The following GRIN2A variants were observed in gnomAD, a reference collection of about 807,000 sequenced individuals.
GRIN2A encodes glutamate receptor ionotropic, NMDA 2A.
In GRIN2A, 22 loss-of-function variants were observed where a neutral mutation model predicts 113.4. That is an observed-to-expected ratio of 0.19 (90% CI 0.14 to 0.28). The LOEUF (loss-of-function observed/expected upper bound fraction) is 0.28. Among genes scored for constraint, GRIN2A ranks in the 10% least tolerant of loss-of-function variants. GRIN2A has a pLI of 1.00. For synonymous variants in GRIN2A, 827 were observed against 738.4 expected (o/e 1.12, Z -1.94); for missense variants, 1,502 against 1,887.0 (o/e 0.80, Z 3.78).
At chr16:10,081,436 G>A (rs763168397) in intron 2 of GRIN2A, among the ~76,000 whole-genome samples, 1 of 152,170 alleles carries the variant, frequency 6.6e-6, no homozygotes, top group Non-Finnish European at 1.5e-5. Context: ...CAATCAAACT[G>A]TCACTTTGTT....
chr16:10,044,100 C>CAGG (rs1730121562), intron 2 of GRIN2A, among the ~76,000 whole-genome samples: 1 of 150,848 alleles, frequency 6.6e-6, no homozygotes, highest in African/African-American at 2.4e-5. Flanking sequence ...GTAGCCCAGG[C>CAGG]AGGAATACGG....
intron 2 of GRIN2A, among the ~76,000 whole-genome samples, chr16:10,163,707 T>C (rs1353690557): frequency 6.6e-6 from 1 of 150,858 alleles, no homozygotes; most frequent in Non-Finnish European, 1.5e-5. Flanking sequence ...TTCTACAAAG[T>C]GAGTGTCTAT....
At position 10,044,022 on chromosome 16, in the gene GRIN2A, TAGAGAG is replaced by T. The variant is rs1555469980; in HGVS notation, c.415-105477_415-105472del. Among the ~76,000 whole-genome samples, 11 of 108,012 alleles carry T rather than the reference TAGAGAG, an allele frequency of 1.0e-4. No individual in the cohort carries two copies. In the South Asian group the frequency reaches 1.2e-3, roughly 12 times the overall value. The allele number at this position is 108,012 out of a possible 152,430, so 70.9% of individuals were successfully genotyped here. ...GTGTGTGTGTGTATATATATATATA[TAGAGAG>T]AGAGAGAGAGAGAGAGAGACAGAGA... On this transcript the variant is annotated intron_variant, in intron 2 of 12. Transcript: ENST00000330684.
At chr16:9,953,443 A>G (rs1204002639) in intron 2 of GRIN2A, among the ~76,000 whole-genome samples, 2 of 152,210 alleles carry the variant, frequency 1.3e-5, no homozygotes, top group African/African-American at 4.8e-5. Context: ...GTAGGGGGAC[A>G]GAGAAATGCA....
intron 2 of GRIN2A, among the ~76,000 whole-genome samples, chr16:9,949,666 T>C (rs11642327): frequency 0.03 from 4,476 of 148,208 alleles, 105 homozygotes; most frequent in Non-Finnish European, 0.043. Flanking sequence ...GACAGATGGA[T>C]GGACAGATGG....
At chr16:10,067,669 T>A (rs1168528040) in intron 2 of GRIN2A, among the ~76,000 whole-genome samples, 1 of 151,398 alleles carries the variant, frequency 6.6e-6, no homozygotes. Flanking sequence ...GGGATTGGAG[T>A]AGAAGCAGAT....
intron 2 of GRIN2A, among the ~76,000 whole-genome samples, chr16:10,066,370 C>G (rs1279085666): frequency 6.6e-6 from 1 of 152,152 alleles, no homozygotes; most frequent in Non-Finnish European, 1.5e-5. Flanking sequence ...ACTTATTTAT[C>G]TCTGTCATAA....
At chr16:9,953,563 G>C (rs2045232616) in intron 2 of GRIN2A, among the ~76,000 whole-genome samples, 1 of 152,018 alleles carries the variant, frequency 6.6e-6, no homozygotes, top group Non-Finnish European at 1.5e-5. Flanking sequence ...GCTGAGGCTT[G>C]AGATTTAGAA....
intron 3 of GRIN2A, among the ~76,000 whole-genome samples, chr16:9,897,456 A>G (rs1332157988): frequency 6.6e-6 from 1 of 152,102 alleles, no homozygotes; most frequent in Non-Finnish European, 1.5e-5. Flanking sequence ...TCCAATTCTC[A>G]CTAGGCCTGC....
At chr16:10,160,267 G>T (rs2049784076) in intron 2 of GRIN2A, among the ~76,000 whole-genome samples, 1 of 152,204 alleles carries the variant, frequency 6.6e-6, no homozygotes. Context: ...AGTGCTGGAA[G>T]TATAGAATGA....
chr16:9,802,820 T>C (rs1903447871), intron 10 of GRIN2A, among the ~76,000 whole-genome samples: 1 of 152,138 alleles, frequency 6.6e-6, no homozygotes, highest in Non-Finnish European at 1.5e-5. Flanking sequence ...GTAAATTTCA[T>C]TTAATTTCAT....
intron 9 of GRIN2A, among the ~76,000 whole-genome samples, chr16:9,826,296 CCT>C (rs1363546497): frequency 6.6e-6 from 1 of 152,152 alleles, no homozygotes; most frequent in African/African-American, 2.4e-5. Flanking sequence ...AGATGGATTT[CCT>C]CTGTCAGAGT....
chr16:9,873,574 A>T (rs975187679), intron 4 of GRIN2A, among the ~76,000 whole-genome samples: 11 of 150,152 alleles, frequency 7.3e-5, no homozygotes, highest in African/African-American at 2.7e-4. Flanking sequence ...CAAACAAACA[A>T]ACAGAAAAGA....
At chr16:10,011,707 G>A (rs1463650216) in intron 2 of GRIN2A, among the ~76,000 whole-genome samples, 2 of 152,162 alleles carry the variant, frequency 1.3e-5, no homozygotes, top group South Asian at 4.2e-4. Flanking sequence ...AAGTTACCCA[G>A]TGTTGGTTTC....
intron 2 of GRIN2A, among the ~76,000 whole-genome samples, chr16:10,044,022 T>TAGAGAGAGAGAGAG (rs1555469980): frequency 9.3e-6 from 1 of 108,016 alleles, no homozygotes; most frequent in South Asian, 4.1e-4. Flanking sequence ...TATATATATA[T>TAGAGAGAGAGAGAG]AGAGAGAGAG....
chr16:9,926,089 A>G (rs1169597004), intron 3 of GRIN2A, among the ~76,000 whole-genome samples: 1 of 152,186 alleles, frequency 6.6e-6, no homozygotes, highest in Non-Finnish European at 1.5e-5. Context: ...CAACCTTAAA[A>G]TAACATCTAC....
At chr16:9,780,548 T>C (rs988446843) in intron 11 of GRIN2A, among the ~76,000 whole-genome samples, 4 of 152,226 alleles carry the variant, frequency 2.6e-5, no homozygotes, top group African/African-American at 9.6e-5. Context: ...GAATGTTGAT[T>C]ACTTGTGGGG....
chr16:10,061,749 G>T (rs2047554223), intron 2 of GRIN2A, among the ~76,000 whole-genome samples: 1 of 152,198 alleles, frequency 6.6e-6, no homozygotes, highest in African/African-American at 2.4e-5. Context: ...TTGGAAAGTG[G>T]CTCAGAGAGT....
intron 4 of GRIN2A, among the ~76,000 whole-genome samples, chr16:9,880,524 G>A (rs558866999): frequency 6.6e-6 from 1 of 152,304 alleles, no homozygotes; most frequent in South Asian, 2.1e-4. Context: ...AGTCAACTGA[G>A]AAGTCCTTTC....
Sources: gnomAD v4.1 joint callset for allele counts (sites outside exome capture counted in the v4.1 genomes callset) on GRCh38, gnomAD v4.1.1 for gene constraint, MANE v1.5 for transcripts, NCBI Gene and HGNC (gene_info 2026-07-23, HGNC 2026-07-21) for gene names.